KCP: variants seen among roughly 807,000 people sequenced by gnomAD.
KCP encodes kielin cysteine rich BMP regulator, also known as kielin/chordin-like protein.
A neutral mutation model predicts 212.7 loss-of-function variants in KCP; 194 were observed. The observed-to-expected ratio is 0.91, with a 90% confidence interval of 0.81 to 1.03. The LOEUF is 1.03. Ranked by LOEUF, KCP falls within the 50% of genes least tolerant of loss-of-function variation. The pLI, the probability that KCP is intolerant of heterozygous loss-of-function variation, is 0.00. For synonymous variants in KCP, 833 were observed against 865.3 expected, an observed-to-expected ratio of 0.96 and a Z score of 0.65; for missense variants, 2,080 against 2,162.5, an observed-to-expected ratio of 0.96 and a Z score of 0.76.
intron 38 of KCP, 25 bp from the exon 39 acceptor site, chr7:128,877,815 G>A (rs1048456071): frequency 3.1e-5 from 47 of 1,527,062 alleles, no homozygotes; most frequent in Admixed American, 6.0e-5. Context: ...CAGCCCTGAC[G>A]TGACAGCACC....
chr7:128,892,418 G>A, intron 16 of KCP, 96 bp downstream of exon 16: 1 of 863,448 alleles, frequency 1.2e-6, no homozygotes, highest in South Asian at 1.8e-5. Flanking sequence ...AATTCAGAAG[G>A]CCATTGCTTT....
chr7:128,895,861 CAT>C (rs1419541167), intron 8 of KCP, among the ~76,000 whole-genome samples: 1 of 152,196 alleles, frequency 6.6e-6, no homozygotes, highest in East Asian at 1.9e-4. Flanking sequence ...TTTAGCATAT[CAT>C]CAATAAATAA....
At position 128,881,092 on chromosome 7, in the gene KCP, G is replaced by A. The variant is rs1273948838; in HGVS notation, c.3425-7C>T. On this transcript the variant is annotated splice_region_variant and splice_polypyrimidine_tract_variant and intron_variant, in intron 31 of 39. Transcript: ENST00000610776. ...TCGGCCTCCACCACACATTCTGAGGGGGGAGACATGGGATGGGCAGGCACT... is the reference window on the plus strand; with the variant it reads ...TCGGCCTCCACCACACATTCTGAGGAGGGAGACATGGGATGGGCAGGCACT... The A allele has an allele frequency of 2.5e-6, 1 of 398,720 alleles. No individual in the cohort carries two copies. Among genetic ancestry groups the A allele is most frequent in the Non-Finnish European group, 4.4e-6 (1 of 226,232 alleles). 24.7% of individuals were successfully genotyped at this position (398,720 alleles called of 1,614,324 possible). A position where few individuals can be genotyped will look rare whatever the true frequency, so the allele number is the denominator to read the frequency against.
intron 15 of KCP, 23 bp from the exon 16 acceptor site, chr7:128,892,630 G>A: frequency 1.3e-6 from 2 of 1,550,924 alleles, no homozygotes; most frequent in Non-Finnish European, 1.7e-6. Flanking sequence ...AGGGGAGAGA[G>A]CAATCGGGGC....
chr7:128,883,218 C>T (rs113402688), intron 29 of KCP, among the ~76,000 whole-genome samples: 1 of 151,552 alleles, frequency 6.6e-6, no homozygotes, highest in Non-Finnish European at 1.5e-5. Flanking sequence ...CAGCTCACTG[C>T]AACCTCTGCC....
chr7:128,880,354 C>T (rs562639750), intron 34 of KCP, 32 bp downstream of exon 34: 2 of 1,476,304 alleles, frequency 1.4e-6, no homozygotes, highest in East Asian at 5.0e-5. Context: ...CCCACCCTGA[C>T]CCTCCCCACC....
chr7:128,902,712 G>T, intron 8 of KCP, 65 bp downstream of exon 8: 1 of 1,397,544 alleles, frequency 7.2e-7, no homozygotes. Context: ...CATAGAATGA[G>T]CAAATGAATA....
In KCP at chr7:128,892,902, G is replaced by A. The variant is rs771189428; in HGVS notation, c.1387C>T (p.Pro463Ser). The A allele has an allele frequency of 6.5e-7, 1 of 1,539,800 alleles. No homozygotes were observed. Residue 463 changes from proline to serine, a missense_variant, in exon 14 of 40, where the codon CCA (proline) becomes TCA (serine). Transcript: ENST00000610776. ...TGGGTGGGGTGCTGGCAGGGGGCTG[G>A]GGGGCAGAGCACAGCCCCGCACTTG... ...VPKCGAVLCPPAPCQHPTQPP... is the reference protein window; with the variant it reads ...VPKCGAVLCPSAPCQHPTQPP...
At position 128,891,479 on chromosome 7, in the gene KCP, G is replaced by A. The variant is rs1585222194; in HGVS notation, c.1850C>T (p.Ser617Phe). 1.3e-6 allele frequency: 2 copies of A among 1,550,436 alleles called. No homozygotes were observed. Among genetic ancestry groups the A allele is most frequent in the East Asian group, 2.4e-5 (1 of 40,910 alleles). The change falls in exon 18 of 40, where the codon TCT (serine) becomes TTT (phenylalanine). Residue 617 changes from serine to phenylalanine, a missense_variant. By Grantham distance (155) the Ser-to-Phe change is radical. Coordinates refer to ENST00000610776, the MANE Select transcript of KCP (RefSeq NM_001366122.1). Reference protein sequence around the residue: ...YPSGADFPHPSDPCRLCRCLS... With the variant: ...YPSGADFPHPFDPCRLCRCLS... ...ACAGCGACACAGACGGCAGGGGTCAGAGGGGTGGGGGAAGTCCGCTCCGCT... is the reference window on the plus strand; with the variant it reads ...ACAGCGACACAGACGGCAGGGGTCAAAGGGGTGGGGGAAGTCCGCTCCGCT...
intron 11 of KCP, 96 bp from the exon 12 acceptor site, chr7:128,893,572 A>G: frequency 9.2e-7 from 1 of 1,092,416 alleles, no homozygotes; most frequent in Non-Finnish European, 1.3e-6. Context: ...CTGACAAAGA[A>G]GACCCAGCCG....
At chr7:128,893,095 C>A in intron 13 of KCP, 74 bp from the exon 14 acceptor site, 2 of 976,362 alleles carry the variant, frequency 2.0e-6, no homozygotes, top group South Asian at 1.4e-5. Context: ...GACACAGGGA[C>A]CCCACCTTCG....
Position 128,878,739 on chromosome 7 carries a change from G to T in KCP, c.4147-17C>A. On this transcript the variant is annotated splice_polypyrimidine_tract_variant and intron_variant, in intron 37 of 39. Transcript: ENST00000610776. The stretch of plus-strand genomic sequence containing the variant: ...CCACAGCACCTGTGTGGAGAGGCCT[G>T]AGACTGGGGAGCAGGGAAGGACAGG... The T allele has an allele frequency of 6.5e-7, 1 of 1,545,466 alleles. No individual in the cohort carries two copies.
At chr7:128,889,067 G>C (rs1376587387) in intron 21 of KCP, 28 bp from the exon 22 acceptor site, 17 of 1,466,040 alleles carry the variant, frequency 1.2e-5, no homozygotes, top group Non-Finnish European at 1.5e-5. Flanking sequence ...GAGAGGCCGA[G>C]GGGAGGGACA....
rs769065978 is a variant in KCP, at chr7:128,880,445, A to G, written c.3700T>C (p.Cys1234Arg). Residue 1234 changes from cysteine to arginine, a missense_variant, in exon 34 of 40, where the codon TGC becomes CGC. Coordinates refer to ENST00000610776, the MANE Select transcript of KCP (RefSeq NM_001366122.1). ...TGGCAACGCACGGTGCCCGCCATGC[A>G]GGAGCAGCTGGTGCAGGTGTCCACA... ...WTVDTCTSCS[C>R]MAGTVRCQSQ... 7 of 1,547,538 alleles carry G rather than the reference A, an allele frequency of 4.5e-6. No individual in the cohort carries two copies. Among genetic ancestry groups the G allele is most frequent in the Non-Finnish European group, 6.1e-6 (7 of 1,145,166 alleles).
rs562590272 is a variant in KCP at position 128,886,411 on chromosome 7, G to A, written c.2866+53C>T. 70 of 1,439,562 alleles carry A rather than the reference G, an allele frequency of 4.9e-5. No individual in the cohort carries two copies. In the African/African-American group the frequency reaches 9.2e-4, roughly 19 times the overall value. 89.2% of individuals were successfully genotyped at this position (1,439,562 alleles called of 1,614,324 possible). Reference sequence around the variant, plus strand: ...AGGGGAGGGAGGTGGGGTGGACAGAGGGACACAGGGCCAAGGGGCTGAAGC... The same window carrying A: ...AGGGGAGGGAGGTGGGGTGGACAGAAGGACACAGGGCCAAGGGGCTGAAGC... On this transcript the variant is annotated intron_variant, in intron 26 of 39. Transcript: ENST00000610776.
At chr7:128,892,133 C>T (rs1794190930) in intron 16 of KCP, among the ~76,000 whole-genome samples, 1 of 151,976 alleles carries the variant, frequency 6.6e-6, no homozygotes, top group Non-Finnish European at 1.5e-5. Context: ...GGACGTGTCC[C>T]ATGCATCCCA....
At position 128,891,456 on chromosome 7, in the gene KCP, A is replaced by G. The variant is rs1794126672; in HGVS notation, c.1873T>C (p.Cys625Arg). The change falls in exon 18 of 40, where the codon TGT (cysteine) becomes CGT (arginine). Residue 625 changes from cysteine (C) to arginine (R), a missense_variant. Coordinates refer to ENST00000610776, the MANE Select transcript of KCP (RefSeq NM_001366122.1). ...HPSDPCRLCRCLSGNVQCLAR... is the reference protein window; with the variant it reads ...HPSDPCRLCRRLSGNVQCLAR... ...CCACCCAGGTGCAGACTCACCAGAC[A>G]GCGACACAGACGGCAGGGGTCAGAG... 1 of 1,550,434 alleles carries G rather than the reference A, an allele frequency of 6.4e-7. No homozygotes were observed.
In KCP at chr7:128,877,297, G is replaced by A. The variant is rs1241441373; in HGVS notation, c.4633C>T (p.Leu1545=). Residue 1545 remains leucine, a synonymous_variant, in exon 40 of 40, where the codon CTG becomes TTG. Coordinates refer to ENST00000610776, the MANE Select transcript of KCP (RefSeq NM_001366122.1). ...TCATCAAACACGAAGCCACGCTCCA[G>A]GGGGCAGCCTACCACTGCAGGGGGA... is the stretch of plus-strand genomic sequence containing the variant. ...GPTLCVVGCP[L]ERGFVFDECG... The A allele has an allele frequency of 1.3e-6, 2 of 1,516,708 alleles. No homozygotes were observed. The highest frequency in any genetic ancestry group is 2.4e-5 in the Admixed American group (1 of 40,836). The allele number at this position is 1,516,708 out of a possible 1,614,324, so 94.0% of individuals were successfully genotyped here.
chr7:128,877,724 C>T lies in KCP; in HGVS notation c.4378G>A (p.Ala1460Thr). ...GCCTCACGCCTGGCACGGTAACCTG[C>T]TGCCCGGCACGGATCCACCTCTCGG... ...AGREVDPCRAAGYRARREANA... is the reference protein window; with the variant it reads ...AGREVDPCRATGYRARREANA... Residue 1460 changes from alanine (A) to threonine (T), a missense_variant, in exon 39 of 40, where the codon GCA becomes ACA. Coordinates refer to ENST00000610776, the MANE Select transcript of KCP (RefSeq NM_001366122.1). 2.6e-6 allele frequency: 4 copies of T among 1,551,050 alleles called. No homozygotes were observed. Among genetic ancestry groups the T allele is most frequent in the Admixed American group, 3.9e-5 (2 of 51,004 alleles).
Sources: gnomAD v4.1 joint callset for allele counts (sites outside exome capture counted in the v4.1 genomes callset) on GRCh38, gnomAD v4.1.1 for gene constraint, MANE v1.5 for transcripts, NCBI Gene and HGNC (gene_info 2026-07-23, HGNC 2026-07-21) for gene names.